The following SI variants were observed in gnomAD, a reference collection of about 807,000 sequenced individuals.
SI encodes sucrase-isomaltase, intestinal.
A neutral mutation model predicts 253.3 loss-of-function variants in SI; 235 were observed. The ratio of observed to expected loss-of-function variants is 0.93; its 90% CI spans 0.83 to 1.03. The LOEUF is 1.03. Among genes scored for constraint, SI ranks in the 50% least tolerant of loss-of-function variants. The pLI, the probability that SI is intolerant of heterozygous loss-of-function variation, is 0.00. For synonymous variants in SI, 819 were observed against 712.0 expected (o/e 1.15, Z -2.39); for missense variants, 2,442 against 2,211.1 (o/e 1.10, Z -2.09).
At chr3:165,073,714 CA>C (rs1468842079) in intron 3 of SI, among the ~76,000 whole-genome samples, 2 of 151,520 alleles carry the variant, frequency 1.3e-5, no homozygotes, top group Non-Finnish European at 2.9e-5. Context: ...TTTCAAGGAA[CA>C]AAAAATATCA....
chr3:165,053,157 C>A (rs1465138612), intron 13 of SI, among the ~76,000 whole-genome samples: 1 of 151,408 alleles, frequency 6.6e-6, no homozygotes, highest in Non-Finnish European at 1.5e-5. Context: ...CTCAACTATT[C>A]GATTATCCCA....
the SI span, among the ~76,000 whole-genome samples, chr3:165,085,092 A>G: frequency 6.6e-6 from 1 of 152,104 alleles, no homozygotes; most frequent in Non-Finnish European, 1.5e-5. Flanking sequence ...TAATTGGTAA[A>G]ACTTCATAGA....
At chr3:165,078,709 C>A (rs1456248925), upstream of SI, among the ~76,000 whole-genome samples, 1 of 151,626 alleles carries the variant, frequency 6.6e-6, no homozygotes, top group East Asian at 1.9e-4. Flanking sequence ...AAGCTGTGAA[C>A]TATTAATATC....
chr3:164,989,427 A>AGAAG, intron 44 of SI, among the ~76,000 whole-genome samples: 1 of 143,680 alleles, frequency 7.0e-6, no homozygotes, highest in African/African-American at 2.5e-5. Flanking sequence ...AAAGAAAGAA[A>AGAAG]GAAAGAAAGG....
In SI at chr3:165,040,051, G is replaced by GT. The variant is rs1317504357; in HGVS notation, c.2160-81dup. On this transcript the variant is annotated intron_variant, in intron 18 of 47. Transcript: ENST00000264382. ...ATTCCTGGTTCAGTTTATCTTTTCA[G>GT]TTTTTTCCTGGGAATTGTTGTTATC... is the stretch of plus-strand genomic sequence containing the variant. The GT allele has an allele frequency of 4.5e-6, 5 of 1,120,334 alleles. No homozygotes were observed. The East Asian group carries it at 7.1e-5, about 16-fold the overall frequency. 69.4% of individuals were successfully genotyped at this position (1,120,334 alleles called of 1,614,324 possible). A position where few individuals can be genotyped will look rare whatever the true frequency, so the allele number is the denominator to read the frequency against.
At chr3:165,071,603 C>A (rs1001041634) in intron 3 of SI, among the ~76,000 whole-genome samples, 5 of 151,858 alleles carry the variant, frequency 3.3e-5, no homozygotes, top group African/African-American at 1.2e-4. Flanking sequence ...GAAGCTCTAA[C>A]CCCCAATGTG....
intron 37 of SI, among the ~76,000 whole-genome samples, chr3:165,006,570 A>G (rs1461816628): frequency 6.6e-6 from 1 of 152,188 alleles, no homozygotes; most frequent in Non-Finnish European, 1.5e-5. Flanking sequence ...TAGAAACAAA[A>G]TAAAAATGGT....
intron 44 of SI, among the ~76,000 whole-genome samples, chr3:164,990,100 A>G (rs894254176): frequency 6.6e-6 from 1 of 152,128 alleles, no homozygotes; most frequent in Admixed American, 6.6e-5. Context: ...TGTTGGTTCA[A>G]TGATTGTAAC....
chr3:164,996,145 G>A (rs1490754692), intron 40 of SI, among the ~76,000 whole-genome samples: 1 of 151,668 alleles, frequency 6.6e-6, no homozygotes, highest in South Asian at 2.1e-4. Context: ...TTTCCAGTGC[G>A]GGGACCATGT....
chr3:165,034,960 C>G (rs144250341), intron 22 of SI, among the ~76,000 whole-genome samples: 86 of 151,996 alleles, frequency 5.7e-4, no homozygotes, highest in Middle Eastern at 6.8e-3. Flanking sequence ...ATGGTGGTGA[C>G]AGTGGGGGAA....
At chr3:165,004,125 A>T (rs111830268) in intron 37 of SI, among the ~76,000 whole-genome samples, 13 of 152,128 alleles carry the variant, frequency 8.5e-5, no homozygotes, top group Admixed American at 2.0e-4. Context: ...AATCTGATTT[A>T]AAAATGGGCA....
intron 41 of SI, among the ~76,000 whole-genome samples, chr3:164,993,684 T>C (rs984658232): frequency 2.0e-5 from 3 of 151,740 alleles, no homozygotes; most frequent in Middle Eastern, 3.2e-3. Context: ...AACTTAAAAA[T>C]AAAATGGATG....
chr3:165,088,481 A>G, the SI span, among the ~76,000 whole-genome samples: 3 of 152,136 alleles, frequency 2.0e-5, no homozygotes, highest in South Asian at 6.2e-4. Context: ...CGTCTCTACT[A>G]AAAACACAAA....
chr3:165,005,859 A>T (rs1474443865), intron 37 of SI, among the ~76,000 whole-genome samples: 1 of 152,084 alleles, frequency 6.6e-6, no homozygotes. Flanking sequence ...TGATCCTCCC[A>T]TCTCAGCCTG....
chr3:165,087,931 G>A, the SI span, among the ~76,000 whole-genome samples: 4 of 152,120 alleles, frequency 2.6e-5, no homozygotes, highest in Non-Finnish European at 5.9e-5. Context: ...ATGCCAGAAG[G>A]TATACTACAG....
In SI at chr3:165,007,964, G is replaced by C. The variant is rs975062895; in HGVS notation, c.4214C>G (p.Thr1405Arg). ...GTCATTTCTGCATTGATTAGTAGTT[G>C]TTCCATTTACAAAACTTGATGGCTC... The part of the protein sequence containing the change: ...MNEPSSFVNG[T>R]TTNQCRNDEL... Residue 1405 changes from threonine (T) to arginine (R), a missense_variant, in exon 36 of 48, where the codon ACA (threonine) becomes AGA (arginine). Physicochemically the swap from Thr to Arg is moderately conservative, Grantham distance 71 (BLOSUM62 -1). Coordinates refer to ENST00000264382, the MANE Select transcript of SI (RefSeq NM_001041.4). The C allele has an allele frequency of 1.1e-5, 17 of 1,599,184 alleles. No individual in the cohort carries two copies. The highest frequency in any genetic ancestry group is 1.5e-5 in the Non-Finnish European group (17 of 1,167,946).
chr3:165,009,405 C>A lies in SI; in HGVS notation c.4063-10G>T. The A allele has an allele frequency of 6.7e-7, 1 of 1,503,618 alleles. No individual in the cohort carries two copies. 93.1% of individuals were successfully genotyped at this position (1,503,618 alleles called of 1,614,324 possible). A position where few individuals can be genotyped will look rare whatever the true frequency, so the allele number is the denominator to read the frequency against. The stretch of plus-strand genomic sequence containing the variant: ...CATGAGCTCTGGAAGCCTGTAAAAC[C>A]AAAATTTAGGCTCACATGTGGAAAG... On this transcript the variant is annotated splice_polypyrimidine_tract_variant and intron_variant, in intron 34 of 47. Transcript: ENST00000264382.
intron 44 of SI, among the ~76,000 whole-genome samples, chr3:164,989,369 AAAGG>A (rs199693823): frequency 0.026 from 3,030 of 118,690 alleles, 122 homozygotes; most frequent in African/African-American, 0.097. Flanking sequence ...AGAAAGAAAG[AAAGG>A]AAGAAAGAAA....
intron 34 of SI, 24 bp downstream of exon 34, chr3:165,012,956 A>C (rs375201436): frequency 1.4e-6 from 2 of 1,424,516 alleles, no homozygotes; most frequent in African/African-American, 2.8e-5. Context: ...TTCTCATTGT[A>C]TAGTTAGCCC....
Sources: gnomAD v4.1 joint callset for allele counts (sites outside exome capture counted in the v4.1 genomes callset) on GRCh38, gnomAD v4.1.1 for gene constraint, MANE v1.5 for transcripts, NCBI Gene and HGNC (gene_info 2026-07-23, HGNC 2026-07-21) for gene names.